Variants in DNAH12 observed in about 807,000 individuals in gnomAD.
DNAH12 encodes dynein axonemal heavy chain 12.
A neutral mutation model predicts 371.5 loss-of-function variants in DNAH12; 285 were observed. The ratio of observed to expected loss-of-function variants is 0.77; its 90% CI spans 0.70 to 0.85. The LOEUF is 0.85. DNAH12 is among the 40% of genes least tolerant of loss of function. DNAH12 has a pLI of 0.00. For missense variants in DNAH12, 3,611 were observed against 3,689.4 expected, an observed-to-expected ratio of 0.98 and a Z score of 0.55; for synonymous variants, 1,200 against 1,213.0, an observed-to-expected ratio of 0.99 and a Z score of 0.22.
rs892590653 is a variant in DNAH12, at chr3:57,386,554, G to C, written c.7489C>G (p.Leu2497Val). The C allele has an allele frequency of 1.3e-5, 2 of 152,194 alleles. No individual in the cohort carries two copies. The highest frequency in any genetic ancestry group is 4.8e-5 in the African/African-American group (2 of 41,450). 9.4% of individuals were successfully genotyped at this position (152,194 alleles called of 1,614,324 possible). The change falls in exon 47 of 74, where the codon CTT becomes GTT. Residue 2497 changes from leucine to valine, a missense_variant. Transcript: ENST00000495027. ...TGTCGAAATGAGCCAATGAGTTCAA[G>C]ATAAGAAGTAGCAGTAACATAGTTA... ...RHNYVTATSY[L>V]ELIGSFRQLL...
intron 13 of DNAH12, among the ~76,000 whole-genome samples, chr3:57,478,896 G>A (rs1404128420): frequency 2.0e-5 from 3 of 152,076 alleles, no homozygotes; most frequent in Non-Finnish European, 4.4e-5. Flanking sequence ...TCACCACCAG[G>A]CCTGCCCTAA....
At chr3:57,358,747 G>A (rs2062854699) in intron 58 of DNAH12, among the ~76,000 whole-genome samples, 1 of 151,954 alleles carries the variant, frequency 6.6e-6, no homozygotes, top group African/African-American at 2.4e-5. Context: ...ATGTCATTTT[G>A]CAATTAATAG....
At chr3:57,305,953 A>G (rs1367842307) in intron 69 of DNAH12, among the ~76,000 whole-genome samples, 2 of 152,220 alleles carry the variant, frequency 1.3e-5, no homozygotes, top group Non-Finnish European at 2.9e-5. Flanking sequence ...GGAGCTTGCT[A>G]CAAGTGCCAG....
intron 20 of DNAH12, among the ~76,000 whole-genome samples, chr3:57,458,872 T>C (rs948659230): frequency 2.6e-5 from 4 of 152,056 alleles, no homozygotes; most frequent in African/African-American, 9.7e-5. Flanking sequence ...CAGAAAAAAA[T>C]TGCTGACCTC....
rs1209285862 is a variant in DNAH12 at position 57,452,888 on chromosome 3, A to G, written c.3741T>C (p.Pro1247=). 1 of 1,551,122 alleles carries G rather than the reference A, an allele frequency of 6.4e-7. No individual in the cohort carries two copies. Among genetic ancestry groups the G allele is most frequent in the Non-Finnish European group, 8.7e-7 (1 of 1,146,884 alleles). Residue 1247 remains proline, a synonymous_variant, in exon 25 of 74, where the codon CCT becomes CCC. Coordinates refer to ENST00000495027, the MANE Select transcript of DNAH12 (RefSeq NM_001366028.2). The part of the protein sequence containing the change: ...KYAYEYLGNS[P]RLVITPLTDR... Reference sequence around the variant, plus strand: ...CAGTTAGAGGCGTAATGACAAGTCGAGGTGAGTTACCAAGATATTCATAAG... The same window carrying G: ...CAGTTAGAGGCGTAATGACAAGTCGGGGTGAGTTACCAAGATATTCATAAG...
At chr3:57,530,785 C>G (rs1251455440) in intron 2 of DNAH12, 1 of 223,288 alleles carries the variant, frequency 4.5e-6, no homozygotes. Flanking sequence ...GAGAAATTCC[C>G]CACATCCAGC....
intron 2 of DNAH12, chr3:57,530,636 C>A: frequency 3.8e-6 from 2 of 521,810 alleles, no homozygotes; most frequent in Non-Finnish European, 3.5e-6. Flanking sequence ...GGGATTTTCA[C>A]CACTGTCAGT....
chr3:57,499,671 T>C (rs9839580), intron 11 of DNAH12, among the ~76,000 whole-genome samples: 326 of 30,414 alleles, frequency 0.011, 42 homozygotes, highest in Middle Eastern at 0.03. Flanking sequence ...TATATATATA[T>C]ATATACTTCT....
rs539777542 is a variant in DNAH12, at chr3:57,543,427, G to A, written c.-33-524C>T. ...AACCTCCGCCTCCCAGGTTCAAGTG[G>A]TTCTCCTGCTTCAGCCTCCCGAGTA... is the stretch of plus-strand genomic sequence containing the variant. On this transcript the variant is annotated intron_variant, in intron 1 of 73. Coordinates refer to ENST00000495027, the MANE Select transcript of DNAH12 (RefSeq NM_001366028.2). Among the ~76,000 whole-genome samples the A allele has an allele frequency of 2.0e-3, 284 of 140,110 alleles. 1 individual carries two copies. Among genetic ancestry groups the A allele is most frequent in the African/African-American group, 7.4e-3 (274 of 37,218 alleles). 91.9% of individuals were successfully genotyped at this position (140,110 alleles called of 152,430 possible).
chr3:57,359,052 G>A (rs2062861763), intron 58 of DNAH12, among the ~76,000 whole-genome samples: 1 of 152,016 alleles, frequency 6.6e-6, no homozygotes, highest in East Asian at 1.9e-4. Context: ...CCAAAGTGCT[G>A]GGATTACAGG....
intron 35 of DNAH12, among the ~76,000 whole-genome samples, chr3:57,422,616 A>C (rs1575581112): frequency 6.6e-6 from 1 of 152,256 alleles, no homozygotes. Flanking sequence ...CAGCCTGGGC[A>C]ACATAGTAAG....
At chr3:57,369,144 C>T (rs1391269030) in intron 55 of DNAH12, among the ~76,000 whole-genome samples, 9 of 149,850 alleles carry the variant, frequency 6.0e-5, no homozygotes, top group African/African-American at 1.7e-4. Context: ...CGCTTAAACC[C>T]GGGAGGTAGA....
chr3:57,322,903 C>T, intron 64 of DNAH12, 104 bp downstream of exon 64: 1 of 1,436,184 alleles, frequency 7.0e-7, no homozygotes, highest in Non-Finnish European at 9.2e-7. Flanking sequence ...GCACTCCAGC[C>T]TGGGAGACAG....
Position 57,433,354 on chromosome 3 carries a change from G to A in DNAH12, c.4980+13C>T, listed in dbSNP as rs891815240. 2 of 1,544,136 alleles carry A rather than the reference G, an allele frequency of 1.3e-6. No homozygotes were observed. Among genetic ancestry groups the A allele is most frequent in the African/African-American group, 2.7e-5 (2 of 72,748 alleles). ...TCATGGCTGAATCTGCTTCTCTTTT[G>A]ATCATGATTTACCTTTTTATTATCA... On this transcript the variant is annotated intron_variant, in intron 32 of 73. Coordinates refer to ENST00000495027, the MANE Select transcript of DNAH12 (RefSeq NM_001366028.2).
At chr3:57,356,262 T>C (rs933497041) in intron 59 of DNAH12, among the ~76,000 whole-genome samples, 6 of 151,888 alleles carry the variant, frequency 4.0e-5, no homozygotes, top group African/African-American at 1.5e-4. Flanking sequence ...GGCAACATGG[T>C]GAAACCCCAT....
chr3:57,365,053 A>T (rs1351301411), intron 57 of DNAH12, among the ~76,000 whole-genome samples: 7 of 152,174 alleles, frequency 4.6e-5, no homozygotes, highest in Admixed American at 2.0e-4. Flanking sequence ...CAGTCTGGTG[A>T]TTCCTCAAAG....
rs774731576 is a variant in DNAH12 at position 57,334,823 on chromosome 3, T to G, written c.9792A>C (p.Glu3264Asp). 1.3e-5 allele frequency: 20 copies of G among 1,551,860 alleles called. No homozygotes were observed. The highest frequency in any genetic ancestry group is 4.1e-5 in the African/African-American group (3 of 73,046). ...PTWLQDKSWE[E>D]ICRASEFPAF... The stretch of plus-strand genomic sequence containing the variant: ...CAGGAAATTCACTTGCCCGACAGAT[T>G]TCCTCCCAGCTTTTGTCCTGTAGCC... Residue 3264 changes from glutamate (E) to aspartate (D), a missense_variant, in exon 61 of 74, where the codon GAA becomes GAC. By Grantham distance (45) the Glu-to-Asp change is conservative (BLOSUM62 2). This residue lies in a region of DNAH12 where 2,266 missense variants were observed against 2,236.9 expected (regional missense o/e 1.01). Coordinates refer to ENST00000495027, the MANE Select transcript of DNAH12 (RefSeq NM_001366028.2).
rs188310438 is a variant in DNAH12, at chr3:57,297,669, C to T, written c.11395-685G>A. 8.5e-5 allele frequency among the ~76,000 whole-genome samples: 13 copies of T among 152,148 alleles called. No individual in the cohort carries two copies. In the East Asian group the frequency reaches 1.9e-3, roughly 23 times the overall value. ...CCGCGCCCGGCCCCCAGTTCCTTAA[C>T]CCTCTTAAACCCCTTGTCTCTGTGT... is the stretch of plus-strand genomic sequence containing the variant. On this transcript the variant is annotated intron_variant, in intron 70 of 73. Transcript: ENST00000495027.
chr3:57,399,514 T>A (rs996189092), intron 43 of DNAH12, among the ~76,000 whole-genome samples: 1 of 152,296 alleles, frequency 6.6e-6, no homozygotes, highest in Non-Finnish European at 1.5e-5. Flanking sequence ...AGAGCAGGGA[T>A]AGCTATACTA....
Sources: allele counts gnomAD v4.1 joint callset (sites outside exome capture counted in the v4.1 genomes callset), GRCh38; gene constraint gnomAD v4.1.1; regional missense constraint gnomAD v4.1.1; transcripts MANE v1.5; gene names NCBI Gene and HGNC (gene_info 2026-07-23, HGNC 2026-07-21).